The following PDE8B variants were observed in gnomAD, a reference collection of about 807,000 sequenced individuals.
The protein encoded by PDE8B is high affinity cAMP-specific and IBMX-insensitive 3',5'-cyclic phosphodiesterase 8B.
A neutral mutation model predicts 101.3 loss-of-function variants in PDE8B; 26 were observed. That is an observed-to-expected ratio of 0.26 (90% CI 0.19 to 0.36). The LOEUF is 0.36. Ranked by LOEUF, PDE8B falls within the 10% of genes least tolerant of loss-of-function variation. PDE8B has a pLI of 1.00. For missense variants in PDE8B, 810 were observed against 1,163.1 expected, an observed-to-expected ratio of 0.70 and a Z score of 4.42; for synonymous variants, 424 against 429.3, an observed-to-expected ratio of 0.99 and a Z score of 0.15.
the PDE8B span, among the ~76,000 whole-genome samples, chr5:77,185,856 G>A: frequency 2.1e-4 from 32 of 152,274 alleles, 2 homozygotes; most frequent in South Asian, 5.4e-3. Context: ...ATGTGAAGCC[G>A]AGTGGCTGTG....
the PDE8B span, among the ~76,000 whole-genome samples, chr5:77,189,559 A>C: frequency 6.6e-6 from 1 of 152,116 alleles, no homozygotes; most frequent in Non-Finnish European, 1.5e-5. Flanking sequence ...TATTTGTGAA[A>C]TTTTTTGGAT....
At chr5:77,261,978 C>T (rs1355789654) in intron 1 of PDE8B, among the ~76,000 whole-genome samples, 2 of 152,144 alleles carry the variant, frequency 1.3e-5, no homozygotes, top group African/African-American at 2.4e-5. Context: ...CTCTCTGCAG[C>T]TTTCTCCAGG....
In PDE8B at chr5:77,413,176, C is replaced by G. The variant is rs1294383677; in HGVS notation, c.1778C>G (p.Ser593Cys). ...RFGVCEFLNC[S>C]ETTLRAWFQV... ...GGAGTATGTGAATTTTTAAACTGTTCTGAAACCACTCTTCGGGCCTGGTTC... is the reference window on the plus strand; with the variant it reads ...GGAGTATGTGAATTTTTAAACTGTTGTGAAACCACTCTTCGGGCCTGGTTC... The change falls in exon 17 of 22, where the codon TCT (serine) becomes TGT (cysteine). Residue 593 changes from serine to cysteine, a missense_variant. Physicochemically the swap from Ser to Cys is moderately radical, Grantham distance 112. Coordinates refer to ENST00000264917, the MANE Select transcript of PDE8B (RefSeq NM_003719.5). 5 of 1,614,004 alleles carry G rather than the reference C, an allele frequency of 3.1e-6. No homozygotes were observed. Among genetic ancestry groups the G allele is most frequent in the Non-Finnish European group, 4.2e-6 (5 of 1,179,914 alleles).
intron 1 of PDE8B, among the ~76,000 whole-genome samples, chr5:77,258,637 C>A (rs1365592513): frequency 6.6e-6 from 1 of 152,192 alleles, no homozygotes; most frequent in Non-Finnish European, 1.5e-5. Flanking sequence ...TTCTTTCAAA[C>A]CTGTTCTGTC....
At chr5:77,118,549 G>T in the PDE8B span, 1 of 395,400 alleles carries the variant, frequency 2.5e-6, no homozygotes, top group East Asian at 3.6e-5. Context: ...TTCTTTCTAA[G>T]CCATTTCTCT....
intron 1 of PDE8B, among the ~76,000 whole-genome samples, chr5:77,307,256 C>T (rs1200104336): frequency 6.6e-6 from 1 of 152,116 alleles, no homozygotes; most frequent in African/African-American, 2.4e-5. Context: ...ATCTCCTTCC[C>T]CAACCCAGTA....
intron 12 of PDE8B, 33 bp downstream of exon 12, chr5:77,404,830 T>A: frequency 7.4e-7 from 1 of 1,348,556 alleles, no homozygotes; most frequent in Non-Finnish European, 1.1e-6. Flanking sequence ...CTGACCTTTT[T>A]AAAATGTAGA....
intron 10 of PDE8B, among the ~76,000 whole-genome samples, chr5:77,373,137 TG>T (rs1420721233): frequency 6.6e-6 from 1 of 152,362 alleles, no homozygotes; most frequent in East Asian, 1.9e-4. Context: ...TCAACTTGGT[TG>T]ATCTTTTTGG....
chr5:77,146,863 CA>C, the PDE8B span: 1 of 353,556 alleles, frequency 2.8e-6, no homozygotes, highest in Admixed American at 3.3e-5. Context: ...ACCCAAGAGG[CA>C]TTCTTTGGCT....
At chr5:77,237,671 A>G (rs989507629) in intron 1 of PDE8B, among the ~76,000 whole-genome samples, 7 of 152,248 alleles carry the variant, frequency 4.6e-5, no homozygotes, top group African/African-American at 1.7e-4. Context: ...TTACCCAAAT[A>G]TTTACAATCT....
At chr5:77,222,263 C>T (rs1751271282) in intron 1 of PDE8B, among the ~76,000 whole-genome samples, 1 of 152,110 alleles carries the variant, frequency 6.6e-6, no homozygotes, top group African/African-American at 2.4e-5. Context: ...GCTAGGTTCT[C>T]AAGTACGTGT....
intron 1 of PDE8B, among the ~76,000 whole-genome samples, chr5:77,244,755 C>G (rs1210424938): frequency 6.6e-6 from 1 of 151,788 alleles, no homozygotes; most frequent in Non-Finnish European, 1.5e-5. Flanking sequence ...ATGGAGTGAC[C>G]TGCCCAAGGT....
chr5:77,105,355 A>C, the PDE8B span: 1 of 152,212 alleles, frequency 6.6e-6, no homozygotes, highest in Non-Finnish European at 1.5e-5. Flanking sequence ...TACATTGCTT[A>C]ATAAATTATG....
At chr5:77,348,871 G>A (rs1424470646) in intron 7 of PDE8B, among the ~76,000 whole-genome samples, 1 of 151,960 alleles carries the variant, frequency 6.6e-6, no homozygotes, top group African/African-American at 2.4e-5. Context: ...TTGTGGAGGT[G>A]GAGTCTAGCT....
chr5:77,395,446 T>C (rs1383130721), intron 10 of PDE8B, among the ~76,000 whole-genome samples: 1 of 150,464 alleles, frequency 6.6e-6, no homozygotes, highest in Admixed American at 6.6e-5. Context: ...ATTTCCACCC[T>C]GCTGGGACAA....
At chr5:77,158,669 G>A in the PDE8B span, among the ~76,000 whole-genome samples, 15 of 152,154 alleles carry the variant, frequency 9.9e-5, no homozygotes, top group Non-Finnish European at 1.6e-4. Flanking sequence ...ACCTGTAGCC[G>A]ACTCTTTTCA....
chr5:77,383,404 G>A (rs1787909182), intron 10 of PDE8B, among the ~76,000 whole-genome samples: 1 of 152,048 alleles, frequency 6.6e-6, no homozygotes, highest in Non-Finnish European at 1.5e-5. Context: ...CACTCTGATG[G>A]TTTCTTTTGC....
intron 1 of PDE8B, among the ~76,000 whole-genome samples, chr5:77,271,888 A>T (rs1004544923): frequency 6.6e-6 from 1 of 152,152 alleles, no homozygotes; most frequent in Non-Finnish European, 1.5e-5. Flanking sequence ...TTGGGGAGGG[A>T]TGTGAATGTA....
At chr5:77,332,837 C>CA (rs35330679) in intron 5 of PDE8B, among the ~76,000 whole-genome samples, 398 of 108,914 alleles carry the variant, frequency 3.7e-3, no homozygotes, top group East Asian at 8.3e-3. Flanking sequence ...AACTCCGTCT[C>CA]AAAAAAAAAA....
Sources: allele counts gnomAD v4.1 joint callset (sites outside exome capture counted in the v4.1 genomes callset), GRCh38; gene constraint gnomAD v4.1.1; transcripts MANE v1.5; gene names NCBI Gene and HGNC (gene_info 2026-07-23, HGNC 2026-07-21).